The following HTR4 variants were observed in gnomAD, a reference collection of about 807,000 sequenced individuals.
HTR4 encodes the protein 5-hydroxytryptamine receptor 4.
HTR4 carries 16 observed loss-of-function variants against 36.8 expected under a neutral mutation model. That is an observed-to-expected ratio of 0.43 (90% CI 0.29 to 0.66). The LOEUF is 0.66. HTR4 is among the 30% of genes least tolerant of loss of function. The pLI is 0.13. For missense variants in HTR4, 438 were observed against 490.9 expected (o/e 0.89, Z 1.02); for synonymous variants, 189 against 185.1 (o/e 1.02, Z -0.17).
At chr5:148,560,192 A>G (rs2113865156) in intron 2 of HTR4, among the ~76,000 whole-genome samples, 2 of 132,628 alleles carry the variant, frequency 1.5e-5, no homozygotes, top group South Asian at 2.4e-4. Context: ...TTTTTTACGG[A>G]AAGCTTTTTT....
chr5:148,644,865 A>C, intron 1 of HTR4: 1 of 152,144 alleles, frequency 6.6e-6, no homozygotes, highest in East Asian at 1.9e-4. Flanking sequence ...TGGAAGTCTG[A>C]TGGCTTACAG....
chr5:148,530,840 T>C (rs1373974497), intron 4 of HTR4, among the ~76,000 whole-genome samples: 1 of 152,206 alleles, frequency 6.6e-6, no homozygotes, highest in Non-Finnish European at 1.5e-5. Flanking sequence ...CCCAAGACCA[T>C]GGGAACCTAC....
rs1757020585 is a variant in HTR4, at chr5:148,503,239, A to G, written c.1076+6217T>C. Among the ~76,000 whole-genome samples, 4 of 149,836 alleles carry G rather than the reference A, an allele frequency of 2.7e-5. No individual in the cohort carries two copies. The South Asian group carries it at 8.3e-4, about 31-fold the overall frequency. ...AGGAAAAAATGTTAAGGGCAGCCAG[A>G]GAGAAAGGTCAGGTTACCCACAAAG... On this transcript the variant is annotated intron_variant, in intron 6 of 6. Coordinates refer to ENST00000377888, the MANE Select transcript of HTR4 (RefSeq NM_000870.7).
At chr5:148,562,935 C>T (rs1401217470) in intron 2 of HTR4, among the ~76,000 whole-genome samples, 4 of 152,140 alleles carry the variant, frequency 2.6e-5, no homozygotes, top group Non-Finnish European at 5.9e-5. Context: ...CTGCAAAGTC[C>T]TCTCAACTGG....
chr5:148,488,047 G>C (rs1178729929), intron 6 of HTR4, among the ~76,000 whole-genome samples: 3 of 152,172 alleles, frequency 2.0e-5, no homozygotes, highest in Non-Finnish European at 2.9e-5. Context: ...TAGAATTCTT[G>C]GGTATTGTTA....
intron 6 of HTR4, among the ~76,000 whole-genome samples, chr5:148,500,411 G>A (rs1756885007): frequency 6.6e-6 from 1 of 152,082 alleles, no homozygotes; most frequent in Non-Finnish European, 1.5e-5. Flanking sequence ...CTGGGAAAAA[G>A]TTGCTGGTGA....
chr5:148,648,162 T>C (rs1164057730), intron 1 of HTR4, among the ~76,000 whole-genome samples: 1 of 152,140 alleles, frequency 6.6e-6, no homozygotes, highest in African/African-American at 2.4e-5. Flanking sequence ...ATTTTCATAA[T>C]AAAATACTGG....
chr5:148,451,227 C>A, exon 6 of HTR4: 1 of 1,613,928 alleles, frequency 6.2e-7, no homozygotes, highest in Middle Eastern at 1.7e-4. Flanking sequence ...TGTGTATGGG[C>A]AGTTTCTCGA....
intron 6 of HTR4, among the ~76,000 whole-genome samples, chr5:148,503,291 C>T (rs1392002940): frequency 2.0e-5 from 3 of 152,208 alleles, no homozygotes. Context: ...AACAATGGAT[C>T]TCTCCGCAGA....
intron 2 of HTR4, among the ~76,000 whole-genome samples, chr5:148,583,935 T>A (rs549060467): frequency 6.6e-6 from 1 of 152,306 alleles, no homozygotes; most frequent in South Asian, 2.1e-4. Context: ...GGAATTTGCA[T>A]TGTCTAGTGC....
At chr5:148,643,469 G>C (rs922624679) in intron 1 of HTR4, among the ~76,000 whole-genome samples, 6 of 151,936 alleles carry the variant, frequency 3.9e-5, no homozygotes, top group Admixed American at 1.3e-4. Context: ...AGAATACAAT[G>C]AGATCCCAAG....
intron 5 of HTR4, among the ~76,000 whole-genome samples, chr5:148,516,773 C>T (rs1168858650): frequency 6.6e-6 from 1 of 152,116 alleles, no homozygotes; most frequent in African/African-American, 2.4e-5. Context: ...AAAGGACACA[C>T]ATTGTGTATA....
At chr5:148,585,655 G>C (rs564839729) in intron 2 of HTR4, among the ~76,000 whole-genome samples, 5 of 152,244 alleles carry the variant, frequency 3.3e-5, no homozygotes, top group Admixed American at 1.3e-4. Flanking sequence ...GGCATACCTA[G>C]GTCACACAGC....
At chr5:148,532,819 C>T (rs953779036) in intron 4 of HTR4, among the ~76,000 whole-genome samples, 1 of 152,166 alleles carries the variant, frequency 6.6e-6, no homozygotes, top group Non-Finnish European at 1.5e-5. Context: ...CAAATTGTAT[C>T]ATCTGTCAGA....
chr5:148,604,148 G>T (rs1752040042), intron 2 of HTR4, among the ~76,000 whole-genome samples: 1 of 152,038 alleles, frequency 6.6e-6, no homozygotes. Flanking sequence ...ATGCAAAAAG[G>T]CACTAACCAT....
At chr5:148,593,148 CT>C (rs1328649063) in intron 2 of HTR4, among the ~76,000 whole-genome samples, 1 of 152,272 alleles carries the variant, frequency 6.6e-6, no homozygotes, top group African/African-American at 2.4e-5. Context: ...GCAGCTTTTA[CT>C]CCCATATAGT....
intron 2 of HTR4, among the ~76,000 whole-genome samples, chr5:148,568,474 C>G (rs953592536): frequency 1.3e-5 from 2 of 152,040 alleles, no homozygotes; most frequent in African/African-American, 4.8e-5. Flanking sequence ...GACAGGGAGA[C>G]AGATAAGGTC....
At chr5:148,593,449 A>G (rs1181099938) in intron 2 of HTR4, among the ~76,000 whole-genome samples, 1 of 152,194 alleles carries the variant, frequency 6.6e-6, no homozygotes, top group Non-Finnish European at 1.5e-5. Flanking sequence ...AAGGAAACAC[A>G]GCATCATCAT....
chr5:148,564,565 T>C (rs1365446351), intron 2 of HTR4, among the ~76,000 whole-genome samples: 1 of 152,108 alleles, frequency 6.6e-6, no homozygotes, highest in Non-Finnish European at 1.5e-5. Context: ...CACAAAGGGA[T>C]TTCCCCCTTC....
Sources: allele counts gnomAD v4.1 joint callset (sites outside exome capture counted in the v4.1 genomes callset), GRCh38; gene constraint gnomAD v4.1.1; transcripts MANE v1.5; gene names NCBI Gene and HGNC (gene_info 2026-07-23, HGNC 2026-07-21).